OSBPL3: variants seen among roughly 807,000 people sequenced by gnomAD.
OSBPL3 encodes the protein oxysterol-binding protein-related protein 3.
In OSBPL3, 65 loss-of-function variants were observed where a neutral mutation model predicts 120.1. That is an observed-to-expected ratio of 0.54 (90% CI 0.44 to 0.67). The LOEUF is 0.67. Among genes scored for constraint, OSBPL3 ranks in the 30% least tolerant of loss-of-function variants. The pLI is 0.00. For synonymous variants in OSBPL3, 416 were observed against 402.6 expected, an observed-to-expected ratio of 1.03 and a Z score of -0.40; for missense variants, 1,004 against 1,082.1, an observed-to-expected ratio of 0.93 and a Z score of 1.01.
intron 10 of OSBPL3, among the ~76,000 whole-genome samples, chr7:24,853,877 T>C (rs148395316): frequency 1.3e-5 from 2 of 152,318 alleles, no homozygotes; most frequent in Non-Finnish European, 2.9e-5. Context: ...TTGTAATTGT[T>C]TCAAAACAAA....
At position 24,852,450 on chromosome 7, in the gene OSBPL3, A is replaced by T; in HGVS notation, c.1158+54T>A. On this transcript the variant is annotated intron_variant, in intron 11 of 22. Transcript: ENST00000313367. The surrounding 1 kb of genome is among the most constrained non-coding windows in gnomAD (Gnocchi z 4.1). Reference sequence around the variant, plus strand: ...ATCATGGAAATAGAAATTACAAACCATTCATGAGCCTGGACACATCTCAGG... The same window carrying T: ...ATCATGGAAATAGAAATTACAAACCTTTCATGAGCCTGGACACATCTCAGG... The T allele has an allele frequency of 7.2e-7, 1 of 1,380,634 alleles. No homozygotes were observed. Among genetic ancestry groups the T allele is most frequent in the Non-Finnish European group, 9.5e-7 (1 of 1,051,946 alleles). The allele number at this position is 1,380,634 out of a possible 1,614,324, so 85.5% of individuals were successfully genotyped here.
intron 12 of OSBPL3, among the ~76,000 whole-genome samples, chr7:24,846,367 CTT>C (rs1299382948): frequency 6.6e-6 from 1 of 152,194 alleles, no homozygotes; most frequent in Non-Finnish European, 1.5e-5. Flanking sequence ...CTTTAGTTCT[CTT>C]GTTTCTCAAA....
intron 1 of OSBPL3, among the ~76,000 whole-genome samples, chr7:24,924,211 G>C (rs1230073629): frequency 6.6e-6 from 1 of 152,064 alleles, no homozygotes; most frequent in Admixed American, 6.5e-5. Context: ...GAAAAATGCT[G>C]AATATAAAAG....
chr7:24,861,534 C>T, intron 10 of OSBPL3, 79 bp downstream of exon 10: 1 of 900,516 alleles, frequency 1.1e-6, no homozygotes, highest in Non-Finnish European at 1.6e-6. Context: ...CTAAGATACT[C>T]TCTCTAAGGA....
chr7:24,938,011 T>C lies in OSBPL3; in HGVS notation c.-150+41875A>G, dbSNP rs1166770198. Among the ~76,000 whole-genome samples the C allele has an allele frequency of 6.6e-6, 1 of 152,202 alleles. No individual in the cohort carries two copies. Among genetic ancestry groups the C allele is most frequent in the Non-Finnish European group, 1.5e-5 (1 of 68,024 alleles). On this transcript the variant is annotated intron_variant, in intron 1 of 22. Coordinates refer to ENST00000313367, the MANE Select transcript of OSBPL3 (RefSeq NM_015550.4). This position sits in a 1 kb window ranked among gnomAD's most constrained non-coding sequence, Gnocchi z 5.8. ...AAAAGTAGAAATATCTGTTAGGAAC[T>C]ACATTTAACTGCAACCGATAAGATA...
chr7:24,906,451 TC>T, intron 1 of OSBPL3: 1 of 94,114 alleles, frequency 1.1e-5, no homozygotes, highest in Non-Finnish European at 1.9e-5. Context: ...GTTTCGTCCA[TC>T]AGGCTCTGAG....
Position 24,851,277 on chromosome 7 carries a change from TTCTA to T in OSBPL3, c.1158+1223_1158+1226del, listed in dbSNP as rs537991782. Reference sequence around the variant, plus strand: ...GTCTTGTACAATAAAAAGGGGGCGATTCTATCTGTGACCTTAAGACAACGTTAAG... The same window carrying T: ...GTCTTGTACAATAAAAAGGGGGCGATTCTGTGACCTTAAGACAACGTTAAG... On this transcript the variant is annotated intron_variant, in intron 11 of 22. Transcript: ENST00000313367. This position sits in a 1 kb window ranked among gnomAD's most constrained non-coding sequence, Gnocchi z 4.1. 6.6e-6 allele frequency among the ~76,000 whole-genome samples: 1 copy of T among 152,222 alleles called. No homozygotes were observed. Among genetic ancestry groups the T allele is most frequent in the Non-Finnish European group, 1.5e-5 (1 of 68,052 alleles).
At chr7:24,814,154 T>C (rs551296216) in intron 19 of OSBPL3, among the ~76,000 whole-genome samples, 1 of 151,940 alleles carries the variant, frequency 6.6e-6, no homozygotes, top group South Asian at 2.1e-4. Context: ...GGGCTGGTGA[T>C]GGAAGGATCT....
intron 10 of OSBPL3, among the ~76,000 whole-genome samples, chr7:24,859,483 G>T (rs1483765997): frequency 2.6e-5 from 4 of 152,084 alleles, no homozygotes; most frequent in Non-Finnish European, 4.4e-5. Flanking sequence ...CCTATATATT[G>T]TTTTGTAACC....
Position 24,830,929 on chromosome 7 carries a change from T to A in OSBPL3, c.1747-24A>T, listed in dbSNP as rs1427426491. ...ACCTAAGGACAAGAGAAAAGAACTT[T>A]GTCATTTCCGTGTCACCAAGAGCTT... On this transcript the variant is annotated intron_variant, in intron 15 of 22. Coordinates refer to ENST00000313367, the MANE Select transcript of OSBPL3 (RefSeq NM_015550.4). The surrounding 1 kb of genome is among the most constrained non-coding windows in gnomAD (Gnocchi z 4.4). 2.5e-6 allele frequency: 4 copies of A among 1,571,892 alleles called. No individual in the cohort carries two copies. In the South Asian group the frequency reaches 4.8e-5, roughly 19 times the overall value.
rs765442977 is a variant in OSBPL3 at position 24,861,573 on chromosome 7, T to G, written c.1027+40A>C. On this transcript the variant is annotated intron_variant, in intron 10 of 22. Transcript: ENST00000313367. ...CTCACATTCAGACATGCACTTAACA[T>G]TTTCATCAAACACATTAGGAAGAAA... 1.0e-5 allele frequency: 15 copies of G among 1,432,416 alleles called. No individual in the cohort carries two copies. In the East Asian group the frequency reaches 3.5e-4, roughly 34 times the overall value. 88.7% of individuals were successfully genotyped at this position (1,432,416 alleles called of 1,614,324 possible). A position where few individuals can be genotyped will look rare whatever the true frequency, so the allele number is the denominator to read the frequency against.
intron 2 of OSBPL3, among the ~76,000 whole-genome samples, chr7:24,876,944 T>G (rs1309395737): frequency 6.6e-6 from 1 of 152,204 alleles, no homozygotes; most frequent in African/African-American, 2.4e-5. Context: ...GATAATGTGC[T>G]AAATACCATA....
At position 24,797,441 on chromosome 7, in the gene OSBPL3, A is replaced by C. The variant is rs1028972313; in HGVS notation, c.*2742T>G. 6.6e-6 allele frequency: 1 copy of C among 152,178 alleles called. No individual in the cohort carries two copies. Among genetic ancestry groups the C allele is most frequent in the Non-Finnish European group, 1.5e-5 (1 of 68,060 alleles). 9.4% of individuals were successfully genotyped at this position (152,178 alleles called of 1,614,324 possible). A position where few individuals can be genotyped will look rare whatever the true frequency, so the allele number is the denominator to read the frequency against. ...ATCTCTTTAGTTAGGACCAGAATCCACCTGGCTTGTAGGAGAGGAACTACA... is the reference window on the plus strand; with the variant it reads ...ATCTCTTTAGTTAGGACCAGAATCCCCCTGGCTTGTAGGAGAGGAACTACA... On this transcript the variant is annotated 3_prime_UTR_variant, in exon 23 of 23. Transcript: ENST00000313367. The surrounding 1 kb of genome is among the most constrained non-coding windows in gnomAD (Gnocchi z 4.8).
rs1809931585 is a variant in OSBPL3 at position 24,918,069 on chromosome 7, G to A, written c.-149-25448C>T. The A allele has an allele frequency of 9.1e-6, 9 of 984,992 alleles. No homozygotes were observed. Among genetic ancestry groups the A allele is most frequent in the Non-Finnish European group, 1.1e-5 (9 of 829,630 alleles). 61.0% of individuals were successfully genotyped at this position (984,992 alleles called of 1,614,324 possible). A position where few individuals can be genotyped will look rare whatever the true frequency, so the allele number is the denominator to read the frequency against. ...TACCTATAAAGGTTGGCTTATCCTC[G>A]ACGCACATAATGACAAGCACAGGTG... On this transcript the variant is annotated intron_variant, in intron 1 of 22. Coordinates refer to ENST00000313367, the MANE Select transcript of OSBPL3 (RefSeq NM_015550.4). This position sits in a 1 kb window ranked among gnomAD's most constrained non-coding sequence, Gnocchi z 4.3.
chr7:24,928,194 G>GTTTT (rs58340103), intron 1 of OSBPL3, among the ~76,000 whole-genome samples: 8 of 135,636 alleles, frequency 5.9e-5, no homozygotes, highest in African/African-American at 1.1e-4. Context: ...CTTCCTTTTT[G>GTTTT]TTTTTTTTTT....
intron 1 of OSBPL3, among the ~76,000 whole-genome samples, chr7:24,914,123 G>A (rs555065667): frequency 1.8e-3 from 271 of 152,178 alleles, no homozygotes; most frequent in South Asian, 2.9e-3. Flanking sequence ...AAAGCAGCTT[G>A]TCATCTGAAT....
rs1584715412 is a variant in OSBPL3 at position 24,950,669 on chromosome 7, C to T, written c.-150+29217G>A. ...CCCAAGAGGCGAAGCTTGCAGTGAG[C>T]GGAGATCGTGCCACTGCACTCCAGC... On this transcript the variant is annotated intron_variant, in intron 1 of 22. Coordinates refer to ENST00000313367, the MANE Select transcript of OSBPL3 (RefSeq NM_015550.4). 2.6e-5 allele frequency among the ~76,000 whole-genome samples: 4 copies of T among 152,252 alleles called. No homozygotes were observed. The Middle Eastern group carries it at 0.014, about 518-fold the overall frequency.
intron 1 of OSBPL3, chr7:24,906,417 T>C (rs1391603550): frequency 8.1e-6 from 2 of 246,384 alleles, no homozygotes; most frequent in Non-Finnish European, 1.7e-5. Context: ...AGGAGGAACC[T>C]TTCCTTGTTG....
chr7:24,843,788 A>C (rs1272773307), intron 12 of OSBPL3, among the ~76,000 whole-genome samples: 1 of 152,210 alleles, frequency 6.6e-6, no homozygotes, highest in Non-Finnish European at 1.5e-5. Context: ...ACAGCTGTTA[A>C]CTTCAAGGAA....
Sources: gnomAD v4.1 joint callset for allele counts (sites outside exome capture counted in the v4.1 genomes callset) on GRCh38, gnomAD v4.1.1 for gene constraint, Gnocchi (gnomAD v3.1) non-coding constraint, MANE v1.5 for transcripts, NCBI Gene and HGNC (gene_info 2026-07-23, HGNC 2026-07-21) for gene names.